Variants in FGF12 observed in about 807,000 individuals in gnomAD.
FGF12 encodes the protein fibroblast growth factor 12B.
Under a neutral mutation model 23.6 loss-of-function variants are expected in FGF12, and 14 were observed. The observed-to-expected ratio is 0.59, with a 90% CI of 0.39 to 0.93. The LOEUF is 0.93. Ranked by LOEUF, FGF12 falls within the 40% of genes least tolerant of loss-of-function variation. FGF12 has a pLI of 0.00. For synonymous variants in FGF12, 62 were observed against 77.3 expected, an observed-to-expected ratio of 0.80 and a Z score of 1.04; for missense variants, 175 against 217.8, an observed-to-expected ratio of 0.80 and a Z score of 1.24.
intron 4 of FGF12, among the ~76,000 whole-genome samples, chr3:192,316,437 C>G (rs1716232173): frequency 6.6e-6 from 1 of 152,176 alleles, no homozygotes; most frequent in Non-Finnish European, 1.5e-5. Flanking sequence ...GGCATGGAGA[C>G]AGAACCTGTG....
chr3:192,610,336 A>T (rs996969509), intron 2 of FGF12, among the ~76,000 whole-genome samples: 1 of 152,102 alleles, frequency 6.6e-6, no homozygotes. Context: ...TATAAAAAGG[A>T]AGCCATTAGA....
intron 2 of FGF12, among the ~76,000 whole-genome samples, chr3:192,540,314 C>T (rs1455211855): frequency 6.6e-6 from 1 of 151,956 alleles, no homozygotes; most frequent in Non-Finnish European, 1.5e-5. Flanking sequence ...TTAGCCATAT[C>T]CTATTGGTTT....
chr3:192,647,731 A>ATGTG (rs1265127516), intron 2 of FGF12, among the ~76,000 whole-genome samples: 1 of 146,942 alleles, frequency 6.8e-6, no homozygotes, highest in Non-Finnish European at 1.5e-5. Context: ...ATACACATAT[A>ATGTG]TACATACATG....
intron 2 of FGF12, among the ~76,000 whole-genome samples, chr3:192,415,589 C>G (rs895917353): frequency 1.3e-5 from 2 of 151,934 alleles, no homozygotes. Flanking sequence ...TTTGTTTTAT[C>G]AACACTCCCT....
At chr3:192,707,791 T>A (rs1315901970) in intron 2 of FGF12, among the ~76,000 whole-genome samples, 1 of 151,382 alleles carries the variant, frequency 6.6e-6, no homozygotes, top group Admixed American at 6.6e-5. Context: ...ATGTTTTCTT[T>A]TCTTTTTCTT....
chr3:192,664,656 C>T (rs894574861), intron 2 of FGF12, among the ~76,000 whole-genome samples: 8 of 146,570 alleles, frequency 5.5e-5, no homozygotes, highest in African/African-American at 2.0e-4. Flanking sequence ...ATCTCAGCTA[C>T]TCAGGAGGTT....
At chr3:192,424,733 C>T (rs190125428) in intron 2 of FGF12, among the ~76,000 whole-genome samples, 16 of 152,118 alleles carry the variant, frequency 1.1e-4, no homozygotes, top group Non-Finnish European at 1.5e-4. Context: ...AACGTTTATT[C>T]TTAGCAATGA....
intron 2 of FGF12, among the ~76,000 whole-genome samples, chr3:192,421,243 C>A (rs1721518170): frequency 6.6e-6 from 1 of 151,968 alleles, no homozygotes. Flanking sequence ...ATTTACTCAT[C>A]CATAAAATGA....
chr3:192,248,265 A>G lies in FGF12; in HGVS notation c.229-77609T>C, dbSNP rs558704148. Among the ~76,000 whole-genome samples the G allele has an allele frequency of 3.0e-4, 45 of 152,330 alleles. No individual in the cohort carries two copies. In the South Asian group the frequency reaches 6.8e-3, roughly 23 times the overall value. On this transcript the variant is annotated intron_variant, in intron 4 of 5. Transcript: ENST00000445105. ...ACATTGAACTGAAACATGACCATGG[A>G]GAACAACCTTGACAATATGTTATTT... is the stretch of plus-strand genomic sequence containing the variant.
At chr3:192,503,393 T>C (rs1724189902) in intron 2 of FGF12, among the ~76,000 whole-genome samples, 1 of 152,136 alleles carries the variant, frequency 6.6e-6, no homozygotes, top group East Asian at 1.9e-4. Flanking sequence ...TCAGTAGTAG[T>C]GTTACTATGC....
At chr3:192,448,791 T>A (rs932021629) in intron 2 of FGF12, among the ~76,000 whole-genome samples, 15 of 152,362 alleles carry the variant, frequency 9.8e-5, no homozygotes, top group Admixed American at 9.8e-4. Context: ...TTATTTTTTA[T>A]ACTGATGAAT....
At chr3:192,526,069 G>A (rs2108848415) in intron 2 of FGF12, among the ~76,000 whole-genome samples, 1 of 152,292 alleles carries the variant, frequency 6.6e-6, no homozygotes, top group South Asian at 2.1e-4. Flanking sequence ...ACCGCGCCTG[G>A]CCTGAGTCAC....
chr3:192,164,174 T>G (rs903808301), intron 5 of FGF12, among the ~76,000 whole-genome samples: 1 of 152,136 alleles, frequency 6.6e-6, no homozygotes, highest in South Asian at 2.1e-4. Context: ...GACTGCTATA[T>G]CTGATGCTAA....
intron 2 of FGF12, among the ~76,000 whole-genome samples, chr3:192,393,156 A>T (rs1720380984): frequency 6.6e-6 from 1 of 152,084 alleles, no homozygotes; most frequent in South Asian, 2.1e-4. Flanking sequence ...TGGTAAGGTG[A>T]CTCATCCAAC....
At chr3:192,443,351 T>C (rs1358592939) in intron 2 of FGF12, among the ~76,000 whole-genome samples, 1 of 152,228 alleles carries the variant, frequency 6.6e-6, no homozygotes, top group Non-Finnish European at 1.5e-5. Context: ...TAGAATGGAA[T>C]ATTCTTTTCT....
At chr3:192,270,786 GGGAAGGAAGGAA>G (rs57509999) in intron 4 of FGF12, among the ~76,000 whole-genome samples, 51,436 of 149,806 alleles carry the variant, frequency 0.34, 9,865 homozygotes, top group East Asian at 0.89. Flanking sequence ...GAAGAAAAGT[GGGAAGGAAGGAA>G]GGAAGGAAGG....
rs138872445 is a variant in FGF12, at chr3:192,327,154, A to G, written c.228+8207T>C. On this transcript the variant is annotated intron_variant, in intron 4 of 5. Coordinates refer to ENST00000445105, the MANE Select transcript of FGF12 (RefSeq NM_004113.6). The stretch of plus-strand genomic sequence containing the variant: ...GCTCTTCATCAATATCTACTGGTTC[A>G]TTTCCATCCCTCCTCACAGAGTTGC... Among the ~76,000 whole-genome samples the G allele has an allele frequency of 1.6e-3, 240 of 152,306 alleles. 3 individuals carry two copies. The highest frequency in any genetic ancestry group is 4.0e-3 in the Admixed American group (61 of 15,294).
At chr3:192,265,025 G>A (rs962402668) in intron 4 of FGF12, among the ~76,000 whole-genome samples, 4 of 152,052 alleles carry the variant, frequency 2.6e-5, no homozygotes, top group Non-Finnish European at 5.9e-5. Flanking sequence ...TTATAAGTAA[G>A]TCAAACTTCA....
Position 192,141,311 on chromosome 3 carries a change from C to T in FGF12, c.*2698G>A, listed in dbSNP as rs1169171244. ...GATGAAGTTGGATATTATATGTTTA[C>T]ACATGGTAATATTTTTAAAAACTCA... On this transcript the variant is annotated 3_prime_UTR_variant, in exon 6 of 6. Transcript: ENST00000445105. The T allele has an allele frequency of 6.6e-6, 1 of 151,844 alleles. No homozygotes were observed. Among genetic ancestry groups the T allele is most frequent in the Non-Finnish European group, 1.5e-5 (1 of 67,836 alleles). The allele number at this position is 151,844 out of a possible 1,614,324, so 9.4% of individuals were successfully genotyped here.
Sources: gnomAD v4.1 joint callset for allele counts (sites outside exome capture counted in the v4.1 genomes callset) on GRCh38, gnomAD v4.1.1 for gene constraint, MANE v1.5 for transcripts, NCBI Gene and HGNC (gene_info 2026-07-23, HGNC 2026-07-21) for gene names.